The following CDKN3 variants were observed in gnomAD, a reference collection of about 807,000 sequenced individuals.
CDKN3 encodes the protein cyclin dependent kinase inhibitor 3.
A neutral mutation model predicts 36.1 loss-of-function variants in CDKN3; 19 were observed. The observed-to-expected ratio is 0.53, with a 90% CI of 0.37 to 0.77. The LOEUF (loss-of-function observed/expected upper bound fraction) is 0.77, where lower values mean the gene tolerates loss of function less well. Among genes scored for constraint, CDKN3 ranks in the 30% least tolerant of loss-of-function variants. CDKN3 has a pLI of 0.00. For missense variants in CDKN3, 188 were observed against 248.6 expected (o/e 0.76, Z 1.64); for synonymous variants, 71 against 85.3 (o/e 0.83, Z 0.92).
chr14:54,402,943 G>A (rs2030012705), intron 3 of CDKN3, among the ~76,000 whole-genome samples: 1 of 152,156 alleles, frequency 6.6e-6, no homozygotes, highest in Non-Finnish European at 1.5e-5. Flanking sequence ...TGCTGTTTTT[G>A]TTACTATAGC....
At chr14:54,413,838 T>C in intron 5 of CDKN3, 1 of 1,390,754 alleles carries the variant, frequency 7.2e-7, no homozygotes. Flanking sequence ...TGTAGTTTCT[T>C]GGGGCTATTG....
chr14:54,397,632 T>A (rs746633695), intron 1 of CDKN3, among the ~76,000 whole-genome samples: 30 of 152,250 alleles, frequency 2.0e-4, no homozygotes, highest in Non-Finnish European at 3.5e-4. Flanking sequence ...CCAGCTCTGT[T>A]AGGATTAATA....
At position 54,401,540 on chromosome 14, in the gene CDKN3, G is replaced by C. The variant is rs767479965; in HGVS notation, c.109G>C (p.Val37Leu). Residue 37 changes from valine (V) to leucine (L), a missense_variant, in exon 3 of 8, where the codon GTG becomes CTG. By Grantham distance (32) the Val-to-Leu change is conservative. Coordinates refer to ENST00000335183, the MANE Select transcript of CDKN3 (RefSeq NM_005192.4). ...IHISWLSLSR[V>L]NCSQFLGLCA... The stretch of plus-strand genomic sequence containing the variant: ...TCTTTTCAGGCTATCTTTGTCACGA[G>C]TGAATTGTTCTCAGTTTCTCGGTTT... 6.2e-7 allele frequency: 1 copy of C among 1,609,992 alleles called. No homozygotes were observed. Among genetic ancestry groups the C allele is most frequent in the Non-Finnish European group, 8.5e-7 (1 of 1,177,786 alleles).
chr14:54,407,808 C>T (rs2030213246), intron 3 of CDKN3, among the ~76,000 whole-genome samples: 1 of 152,190 alleles, frequency 6.6e-6, no homozygotes. Flanking sequence ...ATCCACAGAG[C>T]AAGACCACTC....
At chr14:54,402,253 G>C (rs2139968724) in intron 3 of CDKN3, among the ~76,000 whole-genome samples, 1 of 151,544 alleles carries the variant, frequency 6.6e-6, no homozygotes, top group Non-Finnish European at 1.5e-5. Flanking sequence ...CCGGGTTGCT[G>C]TGAATGCCAT....
At position 54,417,755 on chromosome 14, in the gene CDKN3, T is replaced by C. The variant is rs4251661; in HGVS notation, c.449-93T>C. ...TTCATTTGGAACAATTACACCAGTC[T>C]TCTGTATCAACAGAAGTCTTATTAA... On this transcript the variant is annotated intron_variant, in intron 6 of 7. Transcript: ENST00000335183. 11,015 of 631,642 alleles carry C rather than the reference T, an allele frequency of 0.017. 941 individuals carry two copies. The African/African-American group carries it at 0.18, about 10-fold the overall frequency. 39.1% of individuals were successfully genotyped at this position (631,642 alleles called of 1,614,324 possible). A position where few individuals can be genotyped will look rare whatever the true frequency, so the allele number is the denominator to read the frequency against.
intron 5 of CDKN3, chr14:54,412,914 G>T: frequency 2.0e-6 from 1 of 511,534 alleles, no homozygotes; most frequent in Non-Finnish European, 3.9e-6. Context: ...TAGAAGTATA[G>T]AAATTATATC....
At chr14:54,414,182 A>G (rs2030453582) in intron 5 of CDKN3, 1 of 153,692 alleles carries the variant, frequency 6.5e-6, no homozygotes, top group South Asian at 2.0e-4. Context: ...GCAAAGACTC[A>G]AATTCTGAAT....
chr14:54,414,186 T>G (rs988793362), intron 5 of CDKN3: 3 of 153,696 alleles, frequency 2.0e-5, no homozygotes, highest in Admixed American at 1.3e-4. Flanking sequence ...AGACTCAAAT[T>G]CTGAATAAGG....
At chr14:54,415,774 T>A in intron 5 of CDKN3, 125 bp from the exon 6 acceptor site, 1 of 740,780 alleles carries the variant, frequency 1.3e-6, no homozygotes, top group Non-Finnish European at 2.4e-6. Flanking sequence ...TATTTATTAA[T>A]CTTCGTGTGC....
intron 5 of CDKN3, among the ~76,000 whole-genome samples, chr14:54,413,282 A>G (rs538037441): frequency 9.5e-4 from 144 of 152,272 alleles, no homozygotes; most frequent in Admixed American, 1.8e-3. Flanking sequence ...GTAAAATAGT[A>G]TTAGATAGTT....
Position 54,420,053 on chromosome 14 carries a change from C to A in CDKN3, c.614C>A (p.Ser205Ter). The part of the protein sequence containing the change: ...KLAAHLSSRD[S>*]QSRSVSR ...GCTGCACATCTATCATCAAGAGATT[C>A]ACAATCAAGATCTGTATCAAGATAA... is the stretch of plus-strand genomic sequence containing the variant. The change falls in exon 8 of 8, where the codon TCA becomes TAA. Residue 205 changes from serine to a stop codon, truncating the protein, a stop_gained. Coordinates refer to ENST00000335183, the MANE Select transcript of CDKN3 (RefSeq NM_005192.4). LOFTEE classifies it high-confidence loss of function. 1 of 1,602,250 alleles carries A rather than the reference C, an allele frequency of 6.2e-7. No homozygotes were observed. Among genetic ancestry groups the A allele is most frequent in the Non-Finnish European group, 8.6e-7 (1 of 1,169,546 alleles).
intron 2 of CDKN3, 33 bp from the exon 3 acceptor site, chr14:54,401,491 T>C: frequency 1.3e-6 from 2 of 1,508,506 alleles, no homozygotes; most frequent in Admixed American, 1.7e-5. Context: ...TTTAAAAACT[T>C]AACTAAACAT....
chr14:54,417,994 T>C, intron 7 of CDKN3, 43 bp downstream of exon 7: 5 of 1,095,096 alleles, frequency 4.6e-6, no homozygotes, highest in Non-Finnish European at 6.8e-6. Context: ...GTTGGGGTCG[T>C]TGTTACAAAT....
chr14:54,415,291 C>A (rs1449962272), intron 5 of CDKN3, among the ~76,000 whole-genome samples: 1 of 152,222 alleles, frequency 6.6e-6, no homozygotes, highest in African/African-American at 2.4e-5. Flanking sequence ...GGCAAATGCT[C>A]ACTCATTTGT....
intron 3 of CDKN3, among the ~76,000 whole-genome samples, chr14:54,406,983 T>C (rs1162314756): frequency 6.6e-6 from 1 of 152,208 alleles, no homozygotes; most frequent in Non-Finnish European, 1.5e-5. Flanking sequence ...CGGATTTATC[T>C]ACGTTTGGTC....
At position 54,397,064 on chromosome 14, in the gene CDKN3, C is replaced by T; in HGVS notation, c.-5C>T. On this transcript the variant is annotated 5_prime_UTR_variant, in exon 1 of 8. Coordinates refer to ENST00000335183, the MANE Select transcript of CDKN3 (RefSeq NM_005192.4). ...GGCACTGGTCTCGACGTGGGGCGGCCAGCGATGAAGCCGGTGAGTCGGACG... is the reference window on the plus strand; with the variant it reads ...GGCACTGGTCTCGACGTGGGGCGGCTAGCGATGAAGCCGGTGAGTCGGACG... The T allele has an allele frequency of 6.7e-7, 1 of 1,500,264 alleles. No homozygotes were observed. The highest frequency in any genetic ancestry group is 8.9e-7 in the Non-Finnish European group (1 of 1,121,640). The allele number at this position is 1,500,264 out of a possible 1,614,324, so 92.9% of individuals were successfully genotyped here.
At chr14:54,412,510 A>C (rs1406662265) in intron 5 of CDKN3, among the ~76,000 whole-genome samples, 2 of 152,212 alleles carry the variant, frequency 1.3e-5, no homozygotes, top group South Asian at 4.1e-4. Flanking sequence ...TAACAGATTG[A>C]AAGAGGGCCT....
intron 7 of CDKN3, among the ~76,000 whole-genome samples, chr14:54,418,873 G>T (rs952491525): frequency 6.6e-6 from 1 of 152,002 alleles, no homozygotes; most frequent in Non-Finnish European, 1.5e-5. Context: ...AAAATCAAAC[G>T]ATGCGGCCAG....
Sources: allele counts gnomAD v4.1 joint callset (sites outside exome capture counted in the v4.1 genomes callset), GRCh38; gene constraint gnomAD v4.1.1; transcripts MANE v1.5; gene names NCBI Gene and HGNC (gene_info 2026-07-23, HGNC 2026-07-21).